Variants in CCDC102B observed in about 807,000 individuals in gnomAD.
CCDC102B encodes coiled-coil domain containing 102B, also known as coiled-coil domain-containing protein 102B.
A neutral mutation model predicts 57.4 loss-of-function variants in CCDC102B; 75 were observed. That is an observed-to-expected ratio of 1.31 (90% CI 1.08 to 1.58). The LOEUF is 1.58. CCDC102B is among the 40% of genes most tolerant of loss of function. The probability of loss-of-function intolerance (pLI) is 0.00; values close to 1 mark genes in which losing one functional copy is unlikely to be tolerated. For synonymous variants in CCDC102B, 206 were observed against 201.9 expected (o/e 1.02, Z -0.17); for missense variants, 636 against 582.6 (o/e 1.09, Z -0.94).
At chr18:68,719,540 A>C (rs2032210441) in intron 2 of CCDC102B, among the ~76,000 whole-genome samples, 1 of 152,172 alleles carries the variant, frequency 6.6e-6, no homozygotes, top group South Asian at 2.1e-4. Context: ...CAGTGAATTT[A>C]CCTGCCCTCC....
chr18:68,989,856 TAACC>T (rs1299685563), intron 6 of CCDC102B, among the ~76,000 whole-genome samples: 1 of 152,184 alleles, frequency 6.6e-6, no homozygotes, highest in Non-Finnish European at 1.5e-5. Flanking sequence ...GATTAGCCAC[TAACC>T]GCTCCGCTAT....
At chr18:68,914,626 A>T (rs747098537) in intron 6 of CCDC102B, among the ~76,000 whole-genome samples, 3 of 152,072 alleles carry the variant, frequency 2.0e-5, no homozygotes, top group Non-Finnish European at 4.4e-5. Flanking sequence ...GTTTGGAAAC[A>T]TTTCTTCGTT....
At chr18:68,896,256 C>G (rs973327578) in intron 5 of CCDC102B, among the ~76,000 whole-genome samples, 1 of 152,006 alleles carries the variant, frequency 6.6e-6, no homozygotes, top group Non-Finnish European at 1.5e-5. Flanking sequence ...TGTAATAAAA[C>G]TGCAGAAAAT....
chr18:69,025,199 G>T lies in CCDC102B; in HGVS notation c.1434+14095G>T, dbSNP rs72959971. Among the ~76,000 whole-genome samples the T allele has an allele frequency of 9.3e-3, 1,417 of 152,176 alleles. 9 individuals carry two copies. Among genetic ancestry groups the T allele is most frequent in the Non-Finnish European group, 0.015 (1,010 of 67,994 alleles). On this transcript the variant is annotated intron_variant, in intron 7 of 7. Transcript: ENST00000360242. ...CAGTAACTTAGAGGAGATTAATATA[G>T]TTATCAAACTAATATATGTACACTA...
chr18:68,729,149 T>G (rs2032745893), intron 2 of CCDC102B, among the ~76,000 whole-genome samples: 1 of 152,170 alleles, frequency 6.6e-6, no homozygotes, highest in South Asian at 2.1e-4. Context: ...ATAATTAATC[T>G]AAAGATGTGG....
At chr18:68,944,410 A>G (rs1002931016) in intron 6 of CCDC102B, among the ~76,000 whole-genome samples, 1 of 150,708 alleles carries the variant, frequency 6.6e-6, no homozygotes, top group Non-Finnish European at 1.5e-5. Context: ...TCACGTTTCC[A>G]GAGGCTGGGA....
chr18:68,821,511 A>G (rs1202620371), intron 1 of CCDC102B, among the ~76,000 whole-genome samples: 2 of 151,814 alleles, frequency 1.3e-5, no homozygotes, highest in African/African-American at 4.8e-5. Flanking sequence ...AATTTTGAGT[A>G]ATCAAAATTC....
At chr18:68,916,985 C>A (rs543197037) in intron 6 of CCDC102B, among the ~76,000 whole-genome samples, 8 of 152,158 alleles carry the variant, frequency 5.3e-5, no homozygotes, top group Non-Finnish European at 1.5e-5. Context: ...CAGGCCCCAG[C>A]AGGAAATCAG....
At chr18:68,942,287 C>T (rs1422527189) in intron 6 of CCDC102B, among the ~76,000 whole-genome samples, 1 of 152,000 alleles carries the variant, frequency 6.6e-6, no homozygotes, top group Non-Finnish European at 1.5e-5. Flanking sequence ...TGGCCTGCCC[C>T]TCCACACCTG....
chr18:69,000,416 G>C (rs1324504920), intron 6 of CCDC102B, among the ~76,000 whole-genome samples: 1 of 152,026 alleles, frequency 6.6e-6, no homozygotes, highest in African/African-American at 2.4e-5. Context: ...TTCTAACCTA[G>C]AATAGCCTAT....
intron 4 of CCDC102B, among the ~76,000 whole-genome samples, chr18:68,852,819 G>A (rs1299987793): frequency 1.3e-5 from 2 of 152,052 alleles, no homozygotes; most frequent in East Asian, 1.9e-4. Context: ...TGAACGAAAC[G>A]ATTTTTGATT....
rs899798715 is a variant in CCDC102B at position 68,856,801 on chromosome 18, T to A, written c.936+10380T>A. 2.0e-5 allele frequency among the ~76,000 whole-genome samples: 3 copies of A among 151,714 alleles called. No homozygotes were observed. In the South Asian group the frequency reaches 6.2e-4, roughly 31 times the overall value. Reference sequence around the variant, plus strand: ...ATTTTCCTAAAATCACAATAATGATTTATTTATTTTATAGCTATGATTGAT... The same window carrying A: ...ATTTTCCTAAAATCACAATAATGATATATTTATTTTATAGCTATGATTGAT... On this transcript the variant is annotated intron_variant, in intron 4 of 7. Transcript: ENST00000360242.
intron 1 of CCDC102B, among the ~76,000 whole-genome samples, chr18:68,817,541 A>G (rs2036532295): frequency 6.6e-6 from 1 of 152,244 alleles, no homozygotes; most frequent in Non-Finnish European, 1.5e-5. Context: ...GGAAGTGGTT[A>G]GGCTTTTTCT....
At chr18:68,964,101 C>A (rs1475485389) in intron 6 of CCDC102B, among the ~76,000 whole-genome samples, 6 of 151,874 alleles carry the variant, frequency 4.0e-5, no homozygotes, top group Non-Finnish European at 1.5e-5. Flanking sequence ...TATTACATAA[C>A]CACAAATGTA....
chr18:68,720,258 T>A (rs1440231385), intron 2 of CCDC102B, among the ~76,000 whole-genome samples: 5 of 152,214 alleles, frequency 3.3e-5, no homozygotes, highest in Non-Finnish European at 7.3e-5. Context: ...CTAACACTGA[T>A]CAATCACCAA....
chr18:68,964,550 G>C (rs2050123929), intron 6 of CCDC102B, among the ~76,000 whole-genome samples: 1 of 151,570 alleles, frequency 6.6e-6, no homozygotes, highest in Non-Finnish European at 1.5e-5. Flanking sequence ...TTATCTATTG[G>C]TTAAATTAAT....
intron 7 of CCDC102B, among the ~76,000 whole-genome samples, chr18:69,038,532 A>G (rs2052352919): frequency 6.6e-6 from 1 of 151,952 alleles, no homozygotes; most frequent in African/African-American, 2.4e-5. Context: ...AAATATACAT[A>G]CCTTCTTTAA....
intron 2 of CCDC102B, among the ~76,000 whole-genome samples, chr18:68,739,063 C>T (rs2033272390): frequency 6.7e-6 from 1 of 148,988 alleles, no homozygotes; most frequent in Non-Finnish European, 1.5e-5. Context: ...GGTGCAATTT[C>T]ACATCACTGC....
At chr18:69,053,178 A>G (rs1453709790) in intron 7 of CCDC102B, among the ~76,000 whole-genome samples, 1 of 151,878 alleles carries the variant, frequency 6.6e-6, no homozygotes, top group Non-Finnish European at 1.5e-5. Context: ...AGAGAGGACA[A>G]AGAGACCACA....
Sources: allele counts gnomAD v4.1 joint callset (sites outside exome capture counted in the v4.1 genomes callset), GRCh38; gene constraint gnomAD v4.1.1; transcripts MANE v1.5; gene names NCBI Gene and HGNC (gene_info 2026-07-23, HGNC 2026-07-21).